The following RPS6KA3 variants were observed in gnomAD, a reference collection of about 807,000 sequenced individuals.
RPS6KA3 encodes the protein ribosomal protein S6 kinase A3, also known as ribosomal protein S6 kinase alpha-3.
A neutral mutation model predicts 67.2 loss-of-function variants in RPS6KA3; 4 were observed. The ratio of observed to expected loss-of-function variants is 0.06; its 90% confidence interval spans 0.03 to 0.14. The LOEUF is 0.14. Ranked by LOEUF, RPS6KA3 falls within the 10% of genes least tolerant of loss-of-function variation. RPS6KA3 has a pLI of 1.00. For missense variants in RPS6KA3, 204 were observed against 559.0 expected (o/e 0.36, Z 6.40); for synonymous variants, 182 against 183.7 (o/e 0.99, Z 0.07).
In RPS6KA3 at chrX:20,150,392, C is replaced by T. The variant is rs950523575; in HGVS notation, c.*5006G>A. On this transcript the variant is annotated 3_prime_UTR_variant, in exon 22 of 22. Transcript: ENST00000379565. ...ATAAGTACATCCCTTAGGTGTATAC[C>T]TTCCCTTTTGCTTAGGGCAACAGTT... The T allele has an allele frequency of 3.6e-5, 4 of 112,635 alleles. No individual in the cohort carries two copies. Among genetic ancestry groups the T allele is most frequent in the African/African-American group, 1.3e-4 (4 of 30,966 alleles). 9.3% of individuals were successfully genotyped at this position (112,635 alleles called of 1,213,427 possible).
chrX:20,247,738 G>C (rs956099830), intron 1 of RPS6KA3, among the ~76,000 whole-genome samples: 3 of 104,730 alleles, frequency 2.9e-5, no homozygotes, highest in African/African-American at 1.1e-4. Context: ...AGTGAGCCGA[G>C]ATTGCGCCAC....
intron 2 of RPS6KA3, among the ~76,000 whole-genome samples, chrX:20,217,013 G>A (rs552421404): frequency 8.9e-6 from 1 of 112,264 alleles, no homozygotes; most frequent in Admixed American, 9.5e-5. Flanking sequence ...ATAAATATCT[G>A]TTGAGATATG....
chrX:20,203,424 G>A (rs1177349260), intron 4 of RPS6KA3: 1 of 110,418 alleles, frequency 9.1e-6, no homozygotes, highest in African/African-American at 3.3e-5. Context: ...ACCACGCCCA[G>A]CTAATTTTTT....
Position 20,253,044 on chromosome X carries a change from G to A in RPS6KA3, c.69+13520C>T, listed in dbSNP as rs186583566. ...CTGCTGCTAGACACCACCCTGGCAAGAGCATAACTTCCTTCAGCTTGAAGT... is the reference window on the plus strand; with the variant it reads ...CTGCTGCTAGACACCACCCTGGCAAAAGCATAACTTCCTTCAGCTTGAAGT... On this transcript the variant is annotated intron_variant, in intron 1 of 21. Coordinates refer to ENST00000379565, the MANE Select transcript of RPS6KA3 (RefSeq NM_004586.3). 1.6e-4 allele frequency among the ~76,000 whole-genome samples: 18 copies of A among 110,880 alleles called. No homozygotes were observed. In the East Asian group the frequency reaches 4.3e-3, roughly 26 times the overall value.
chrX:20,256,297 C>T (rs184166431), intron 1 of RPS6KA3, among the ~76,000 whole-genome samples: 41 of 104,645 alleles, frequency 3.9e-4, no homozygotes, highest in Admixed American at 3.9e-3. Flanking sequence ...TTTTCTTATA[C>T]GATAGCAAGA....
At chrX:20,166,749 A>C (rs1603419936) in intron 17 of RPS6KA3, among the ~76,000 whole-genome samples, 2 of 73,931 alleles carry the variant, frequency 2.7e-5, no homozygotes, top group African/African-American at 5.8e-5. Context: ...ATGGAGTCTC[A>C]CTCTGTTGCC....
At chrX:20,240,285 C>CTTTTT (rs778713587) in intron 1 of RPS6KA3, among the ~76,000 whole-genome samples, 1 of 54,385 alleles carries the variant, frequency 1.8e-5, no homozygotes, top group Non-Finnish European at 3.1e-5. Flanking sequence ...AAGGACCATA[C>CTTTTT]TTTTTTTTTT....
intron 2 of RPS6KA3, among the ~76,000 whole-genome samples, chrX:20,210,059 TG>T (rs2068673863): frequency 8.9e-6 from 1 of 111,735 alleles, no homozygotes; most frequent in Non-Finnish European, 1.9e-5. Context: ...TAATCAGACA[TG>T]GAAAAAAATG....
chrX:20,219,011 G>C, intron 2 of RPS6KA3: 5 of 410,096 alleles, frequency 1.2e-5, no homozygotes, highest in Non-Finnish European at 1.7e-5. Context: ...ATTTTCCTGT[G>C]GTAAAAGAAA....
At chrX:20,234,899 AAT>A in intron 1 of RPS6KA3, 85 bp from the exon 2 acceptor site, 2 of 727,394 alleles carry the variant, frequency 2.7e-6, no homozygotes, top group South Asian at 4.4e-5. Context: ...AAAAAAAAAA[AAT>A]TGAGGAAGAT....
chrX:20,194,090 A>G (rs536870915), intron 6 of RPS6KA3, 99 bp downstream of exon 6: 1 of 542,630 alleles, frequency 1.8e-6, no homozygotes, highest in South Asian at 3.0e-5. Context: ...ATCTTGTGCC[A>G]CTAGAGAAAA....
intron 1 of RPS6KA3, among the ~76,000 whole-genome samples, chrX:20,261,040 C>A (rs899064836): frequency 6.3e-5 from 7 of 110,762 alleles, no homozygotes; most frequent in African/African-American, 2.0e-4. Flanking sequence ...TAAAATAGGT[C>A]ACATGACAAA....
At chrX:20,245,349 T>C (rs2069658146) in intron 1 of RPS6KA3, among the ~76,000 whole-genome samples, 1 of 112,472 alleles carries the variant, frequency 8.9e-6, no homozygotes, top group Non-Finnish European at 1.9e-5. Context: ...CTTCTAAGTA[T>C]AACTTTTTCT....
At chrX:20,241,972 A>G (rs2069563085) in intron 1 of RPS6KA3, among the ~76,000 whole-genome samples, 1 of 111,912 alleles carries the variant, frequency 8.9e-6, no homozygotes, top group Admixed American at 9.5e-5. Context: ...GACCATCAAA[A>G]GAGAATAAGA....
intron 1 of RPS6KA3, among the ~76,000 whole-genome samples, chrX:20,248,017 C>T (rs1188386147): frequency 9.0e-6 from 1 of 110,823 alleles, no homozygotes. Context: ...TGTTATATTT[C>T]TAGGCATTCA....
In RPS6KA3 at chrX:20,153,613, ATTC is replaced by A. The variant is rs2067137729; in HGVS notation, c.*1782_*1784del. On this transcript the variant is annotated 3_prime_UTR_variant, in exon 22 of 22. Transcript: ENST00000379565. ...GACTAACAAAAATCTGTATGAGTAC[ATTC>A]TTTTTTTTTTTTTTCCTTCTTGAGA... 9.2e-6 allele frequency: 1 copy of A among 108,387 alleles called. No homozygotes were observed. The highest frequency in any genetic ancestry group is 1.9e-5 in the Non-Finnish European group (1 of 52,204). 8.9% of individuals were successfully genotyped at this position (108,387 alleles called of 1,213,427 possible). A position where few individuals can be genotyped will look rare whatever the true frequency, so the allele number is the denominator to read the frequency against.
chrX:20,199,140 G>A, intron 4 of RPS6KA3, among the ~76,000 whole-genome samples: 1 of 112,009 alleles, frequency 8.9e-6, no homozygotes, highest in Middle Eastern at 4.6e-3. Context: ...AAAGTGCTGG[G>A]ATTACAGGCG....
rs1220839624 is a variant in RPS6KA3 at position 20,166,679 on chromosome X, CCCT to C, written c.1602+907_1602+909del. ...GCTGTTCTCCTTTCCTCCCTCCCTC[CCCT>C]CATTTTCTCCTTTCCTCCCAGACTT... On this transcript the variant is annotated intron_variant, in intron 17 of 21. Transcript: ENST00000379565. 2.8e-5 allele frequency among the ~76,000 whole-genome samples: 3 copies of C among 108,033 alleles called. No homozygotes were observed. In the Admixed American group the frequency reaches 3.0e-4, roughly 11 times the overall value. The allele number at this position is 108,033 out of a possible 115,157, so 93.8% of individuals were successfully genotyped here.
Position 20,155,454 on chromosome X carries a change from G to A in RPS6KA3, c.2167C>T (p.Arg723Cys), listed in dbSNP as rs35026425. 2.5e-6 allele frequency: 3 copies of A among 1,209,942 alleles called. No individual in the cohort carries two copies. Among genetic ancestry groups the A allele is most frequent in the East Asian group, 3.0e-5 (1 of 33,842 alleles). The change falls in exon 22 of 22, where the codon CGC becomes TGC. Residue 723 changes from arginine (R) to cysteine (C), a missense_variant. Around this residue, in one of 4 missense-constraint regions of RPS6KA3, gnomAD observed 73 missense variants for 241.1 expected, o/e 0.30. Coordinates refer to ENST00000379565, the MANE Select transcript of RPS6KA3 (RefSeq NM_004586.3). ...NQSPVLEPVG[R>C]STLAQRRGIK... ...CCTCTCCGCTGAGCAAGAGTAGAGC[G>A]GCCTACTGGTTCCAAAACTGGTGAC...
Sources: allele counts gnomAD v4.1 joint callset (sites outside exome capture counted in the v4.1 genomes callset), GRCh38; gene constraint gnomAD v4.1.1; regional missense constraint gnomAD v4.1.1; transcripts MANE v1.5; gene names NCBI Gene and HGNC (gene_info 2026-07-23, HGNC 2026-07-21).